STAG1: variants seen among roughly 807,000 people sequenced by gnomAD.
STAG1 encodes cohesin subunit SA-1.
Under a neutral mutation model 170.9 loss-of-function variants are expected in STAG1, and 26 were observed. The ratio of observed to expected loss-of-function variants is 0.15; its 90% CI spans 0.11 to 0.21. The LOEUF (loss-of-function observed/expected upper bound fraction) is 0.21. Among genes scored for constraint, STAG1 ranks in the 10% least tolerant of loss-of-function variants. The probability of loss-of-function intolerance (pLI) is 1.00; values close to 1 mark genes in which losing one functional copy is unlikely to be tolerated. For synonymous variants in STAG1, 514 were observed against 497.7 expected (o/e 1.03, Z -0.44); for missense variants, 964 against 1,509.5 (o/e 0.64, Z 5.99).
chr3:136,697,622 A>G (rs555560183), intron 1 of STAG1, among the ~76,000 whole-genome samples: 1 of 152,326 alleles, frequency 6.6e-6, no homozygotes, highest in Non-Finnish European at 1.5e-5. Context: ...TCTAATGTCA[A>G]TAGCCTAAAG....
chr3:136,649,591 G>A lies in STAG1; in HGVS notation c.-83-18610C>T, dbSNP rs550040765. Among the ~76,000 whole-genome samples the A allele has an allele frequency of 2.7e-5, 4 of 146,354 alleles. No individual in the cohort carries two copies. In the South Asian group the frequency reaches 8.6e-4, roughly 32 times the overall value. ...CAATGAAATAAATACAGAAAAATGA[G>A]TAACTTTTGTTTGTATATTTAAAAA... On this transcript the variant is annotated intron_variant, in intron 1 of 33. Transcript: ENST00000383202.
chr3:136,489,793 A>G (rs2090087594), intron 9 of STAG1, among the ~76,000 whole-genome samples: 1 of 152,220 alleles, frequency 6.6e-6, no homozygotes, highest in Admixed American at 6.5e-5. Context: ...TAGAGACCCT[A>G]ACTTACAATA....
chr3:136,748,746 G>A (rs61790839), intron 1 of STAG1, among the ~76,000 whole-genome samples: 1 of 152,064 alleles, frequency 6.6e-6, no homozygotes, highest in Non-Finnish European at 1.5e-5. Flanking sequence ...TGTTCTTAGT[G>A]GCAGAAATGA....
chr3:136,359,255 A>G lies in STAG1; in HGVS notation c.2829T>C (p.Asp943=). 6.2e-7 allele frequency: 1 copy of G among 1,612,408 alleles called. No homozygotes were observed. Among genetic ancestry groups the G allele is most frequent in the Non-Finnish European group, 8.5e-7 (1 of 1,179,078 alleles). The change falls in exon 27 of 34, where the codon GAT becomes GAC. Residue 943 remains aspartate (D), a synonymous_variant. Transcript: ENST00000383202. ...TGCCACTGACATGGGCAGATGTCCTATCTAGGTTGGGACCTTGCTCTTGAA... is the reference window on the plus strand; with the variant it reads ...TGCCACTGACATGGGCAGATGTCCTGTCTAGGTTGGGACCTTGCTCTTGAA... The part of the protein sequence containing the change: ...ELVQEQGPNL[D]RTSAHVSGIK...
chr3:136,719,684 TG>T (rs1933106973), intron 1 of STAG1, among the ~76,000 whole-genome samples: 1 of 17,118 alleles, frequency 5.8e-5, no homozygotes. Flanking sequence ...GGTGGGTGGG[TG>T]GGTGGATGGA....
intron 21 of STAG1, among the ~76,000 whole-genome samples, chr3:136,408,994 G>A (rs923514992): frequency 3.3e-5 from 5 of 152,018 alleles, no homozygotes; most frequent in Non-Finnish European, 5.9e-5. Flanking sequence ...AGCCAGGTGC[G>A]GTGCCTCACA....
At chr3:136,512,542 C>A (rs1411049353) in intron 7 of STAG1, among the ~76,000 whole-genome samples, 1 of 152,016 alleles carries the variant, frequency 6.6e-6, no homozygotes, top group Admixed American at 6.6e-5. Context: ...AGAAAATAAA[C>A]CAAAAATCCA....
intron 4 of STAG1, among the ~76,000 whole-genome samples, chr3:136,570,279 T>C (rs1200792319): frequency 6.6e-6 from 1 of 152,214 alleles, no homozygotes; most frequent in African/African-American, 2.4e-5. Flanking sequence ...TTTGACATGA[T>C]ATTGAAACTC....
At chr3:136,356,514 G>A (rs890553799) in intron 28 of STAG1, among the ~76,000 whole-genome samples, 2 of 151,974 alleles carry the variant, frequency 1.3e-5, no homozygotes, top group South Asian at 4.2e-4. Flanking sequence ...CCAAGTAGCT[G>A]GGACTACAGG....
chr3:136,565,377 A>G (rs531063322), intron 5 of STAG1, among the ~76,000 whole-genome samples: 13 of 152,372 alleles, frequency 8.5e-5, no homozygotes, highest in South Asian at 2.1e-4. Flanking sequence ...ACTTGAATGT[A>G]TATTTCTTCA....
At chr3:136,560,929 G>GA (rs1936812840) in intron 5 of STAG1, among the ~76,000 whole-genome samples, 1 of 152,046 alleles carries the variant, frequency 6.6e-6, no homozygotes, top group Non-Finnish European at 1.5e-5. Context: ...CTTGGGTGGG[G>GA]ACGGGGCGAA....
At chr3:136,634,860 G>A (rs545072577) in intron 1 of STAG1, among the ~76,000 whole-genome samples, 6 of 151,510 alleles carry the variant, frequency 4.0e-5, no homozygotes, top group African/African-American at 7.3e-5. Context: ...AAAAGAATAC[G>A]GTAAACAACA....
chr3:136,604,342 A>G lies in STAG1; in HGVS notation c.264T>C (p.Phe88=). ...CACTTTTCCCCAGTTTCACCACCTC[A>G]AATAATGTGACAGGCTCCCCTTCCC... ...QNGEGEPVTL[F]EVVKLGKSAM... Residue 88 remains phenylalanine, a synonymous_variant, in exon 4 of 34, where the codon TTT becomes TTC. Coordinates refer to ENST00000383202, the MANE Select transcript of STAG1 (RefSeq NM_005862.3). The G allele has an allele frequency of 3.1e-6, 5 of 1,612,038 alleles. No individual in the cohort carries two copies. Among genetic ancestry groups the G allele is most frequent in the Non-Finnish European group, 4.2e-6 (5 of 1,179,516 alleles).
At chr3:136,689,140 T>C (rs1325886156) in intron 1 of STAG1, among the ~76,000 whole-genome samples, 2 of 152,226 alleles carry the variant, frequency 1.3e-5, no homozygotes, top group Non-Finnish European at 2.9e-5. Flanking sequence ...TTCTCAAGAA[T>C]AATTTTGGCC....
chr3:136,633,112 G>A (rs1940396017), intron 1 of STAG1, among the ~76,000 whole-genome samples: 1 of 152,152 alleles, frequency 6.6e-6, no homozygotes, highest in Non-Finnish European at 1.5e-5. Flanking sequence ...GATTCCCAGA[G>A]TGAAAACATT....
At chr3:136,468,362 G>T (rs2089529551) in intron 12 of STAG1, among the ~76,000 whole-genome samples, 1 of 152,174 alleles carries the variant, frequency 6.6e-6, no homozygotes, top group South Asian at 2.1e-4. Flanking sequence ...ACTACCATCA[G>T]AGAATACTAT....
At chr3:136,344,542 C>T (rs140379633) in intron 29 of STAG1, among the ~76,000 whole-genome samples, 88 of 152,262 alleles carry the variant, frequency 5.8e-4, no homozygotes, top group African/African-American at 2.0e-3. Flanking sequence ...AAAGGTTCAC[C>T]ATTTTCATGC....
chr3:136,342,643 A>T (rs1189365857), intron 30 of STAG1, among the ~76,000 whole-genome samples: 1 of 152,258 alleles, frequency 6.6e-6, no homozygotes, highest in Non-Finnish European at 1.5e-5. Context: ...CACCATACCC[A>T]TACATTTATA....
At chr3:136,396,179 G>A (rs893703915) in intron 22 of STAG1, among the ~76,000 whole-genome samples, 9 of 150,962 alleles carry the variant, frequency 6.0e-5, no homozygotes, top group Non-Finnish European at 1.3e-4. Flanking sequence ...TACGATTACA[G>A]GCGTGAGCCG....
Sources: allele counts gnomAD v4.1 joint callset (sites outside exome capture counted in the v4.1 genomes callset), GRCh38; gene constraint gnomAD v4.1.1; transcripts MANE v1.5; gene names NCBI Gene and HGNC (gene_info 2026-07-23, HGNC 2026-07-21).